The following OR2V2 variants were observed in gnomAD, a reference collection of about 807,000 sequenced individuals.
The protein encoded by OR2V2 is olfactory receptor family 2 subfamily V member 2.
For synonymous variants in OR2V2, 161 were observed against 151.3 expected (o/e 1.06, Z -0.47); for missense variants, 392 against 392.2 (o/e 1.00, Z 0.00).
In OR2V2 at chr5:181,152,505, C is replaced by T. The variant is rs141866771; in HGVS notation, c.-24-2414C>T. Among the ~76,000 whole-genome samples, 1,138 of 152,258 alleles carry T rather than the reference C, an allele frequency of 7.5e-3. 10 individuals carry two copies. Among genetic ancestry groups the T allele is most frequent in the Admixed American group, 0.019 (294 of 15,304 alleles). ...AGATGCAGCTCTCGTTACAGGTGGA[C>T]GCACACTCTCCTGTGGTTAGTAAGT... On this transcript the variant is annotated intron_variant, in intron 1 of 1. Coordinates refer to ENST00000641492, the MANE Select transcript of OR2V2 (RefSeq NM_206880.2).
Position 181,156,010 on chromosome 5 carries a change from C to A in OR2V2, c.*120C>A. On this transcript the variant is annotated 3_prime_UTR_variant, in exon 2 of 2. Coordinates refer to ENST00000641492, the MANE Select transcript of OR2V2 (RefSeq NM_206880.2). ...TTATGATGATTGTGACACCCTCAGA[C>A]TTGGAAGGTCTTTTTAAACACTACA... The A allele has an allele frequency of 1.2e-6, 1 of 825,140 alleles. No individual in the cohort carries two copies. Among genetic ancestry groups the A allele is most frequent in the Non-Finnish European group, 1.8e-6 (1 of 542,158 alleles). 51.1% of individuals were successfully genotyped at this position (825,140 alleles called of 1,614,324 possible). A position where few individuals can be genotyped will look rare whatever the true frequency, so the allele number is the denominator to read the frequency against.
chr5:181,156,020 CT>C lies in OR2V2; in HGVS notation c.*135del. The C allele has an allele frequency of 2.9e-6, 2 of 678,952 alleles. No homozygotes were observed. Among genetic ancestry groups the C allele is most frequent in the Non-Finnish European group, 4.6e-6 (2 of 433,694 alleles). The allele number at this position is 678,952 out of a possible 1,614,324, so 42.1% of individuals were successfully genotyped here. A position where few individuals can be genotyped will look rare whatever the true frequency, so the allele number is the denominator to read the frequency against. On this transcript the variant is annotated 3_prime_UTR_variant, in exon 2 of 2. Coordinates refer to ENST00000641492, the MANE Select transcript of OR2V2 (RefSeq NM_206880.2). The stretch of plus-strand genomic sequence containing the variant: ...TGTGACACCCTCAGACTTGGAAGGT[CT>C]TTTTAAACACTACATCAGTTCTTTC...
Position 181,156,051 on chromosome 5 carries a change from T to A in OR2V2, c.*161T>A, listed in dbSNP as rs1763261902. ...AAACACTACATCAGTTCTTTCTTTCTTTCTTTCTTTCTTTCTTTCTTTTGT... is the reference window on the plus strand; with the variant it reads ...AAACACTACATCAGTTCTTTCTTTCATTCTTTCTTTCTTTCTTTCTTTTGT... On this transcript the variant is annotated 3_prime_UTR_variant, in exon 2 of 2. Transcript: ENST00000641492. 1 of 530,934 alleles carries A rather than the reference T, an allele frequency of 1.9e-6. No homozygotes were observed. Among genetic ancestry groups the A allele is most frequent in the Non-Finnish European group, 3.2e-6 (1 of 311,438 alleles). The allele number at this position is 530,934 out of a possible 1,614,324, so 32.9% of individuals were successfully genotyped here.
chr5:181,155,790 C>A lies in OR2V2; in HGVS notation c.848C>A (p.Thr283Asn). ...KVASIFYTVL[T>N]PMLNPLIYSL... ...GCCTCTATCTTCTACACGGTCCTTA[C>A]TCCCATGCTCAACCCCCTCATTTAC... Residue 283 changes from threonine (T) to asparagine (N), a missense_variant, in exon 2 of 2, where the codon ACT (threonine) becomes AAT (asparagine). By Grantham distance (65) the Thr-to-Asn change is moderately conservative. Coordinates refer to ENST00000641492, the MANE Select transcript of OR2V2 (RefSeq NM_206880.2). 6.2e-7 allele frequency: 1 copy of A among 1,614,124 alleles called. No homozygotes were observed. Among genetic ancestry groups the A allele is most frequent in the Non-Finnish European group, 8.5e-7 (1 of 1,179,944 alleles).
Position 181,155,524 on chromosome 5 carries a change from C to T in OR2V2, c.582C>T (p.Ser194=), listed in dbSNP as rs771825912. The change falls in exon 2 of 2, where the codon TCC becomes TCT. Residue 194 remains serine, a synonymous_variant. Coordinates refer to ENST00000641492, the MANE Select transcript of OR2V2 (RefSeq NM_206880.2). ...SLLKLACVDT[S]LFEKVIFACC... ...TGAAGCTGGCCTGTGTAGACACATC[C>T]CTGTTTGAGAAGGTGATATTTGCTT... The T allele has an allele frequency of 1.2e-6, 2 of 1,614,108 alleles. No homozygotes were observed. The highest frequency in any genetic ancestry group is 3.3e-5 in the Admixed American group (2 of 60,014).
At chr5:181,154,868 G>C (rs1763236804) in intron 1 of OR2V2, 51 bp from the exon 2 acceptor site, 2 of 982,696 alleles carry the variant, frequency 2.0e-6, no homozygotes, top group African/African-American at 3.2e-5. Flanking sequence ...TAGCAGCAGA[G>C]GTCTATAAAG....
intron 1 of OR2V2, among the ~76,000 whole-genome samples, chr5:181,152,251 C>G (rs953682339): frequency 6.6e-6 from 1 of 152,184 alleles, no homozygotes; most frequent in African/African-American, 2.4e-5. Context: ...AAACGCAGAA[C>G]CAAGATTGAC....
intron 1 of OR2V2, among the ~76,000 whole-genome samples, chr5:181,151,161 G>A (rs1763186660): frequency 6.6e-6 from 1 of 152,120 alleles, no homozygotes; most frequent in African/African-American, 2.4e-5. Flanking sequence ...TCCGTGCAGA[G>A]GGAGCAGGAA....
At chr5:181,152,553 T>C (rs1763205963) in intron 1 of OR2V2, among the ~76,000 whole-genome samples, 2 of 152,214 alleles carry the variant, frequency 1.3e-5, no homozygotes, top group South Asian at 2.1e-4. Flanking sequence ...AGTTGGTTAG[T>C]GTAAACACAA....
At position 181,157,566 on chromosome 5, in the gene OR2V2, T is replaced by A. The variant is rs556773068; in HGVS notation, c.*1676T>A. The A allele has an allele frequency of 1.4e-4, 21 of 152,358 alleles. No homozygotes were observed. Among genetic ancestry groups the A allele is most frequent in the African/African-American group, 4.8e-4 (20 of 41,580 alleles). 9.4% of individuals were successfully genotyped at this position (152,358 alleles called of 1,614,324 possible). ...CTCCAAGGACTGGTGAAAATAGAAG[T>A]AACTTTCCTTAGTCACGGGGCTGCA... On this transcript the variant is annotated 3_prime_UTR_variant, in exon 2 of 2. Coordinates refer to ENST00000641492, the MANE Select transcript of OR2V2 (RefSeq NM_206880.2).
At chr5:181,150,974 C>T (rs1763184585) in intron 1 of OR2V2, among the ~76,000 whole-genome samples, 1 of 152,058 alleles carries the variant, frequency 6.6e-6, no homozygotes, top group Non-Finnish European at 1.5e-5. Flanking sequence ...GTCTCGACAA[C>T]AGGAAAAAAG....
chr5:181,148,839 G>C (rs1763158609), intron 1 of OR2V2, among the ~76,000 whole-genome samples: 2 of 152,220 alleles, frequency 1.3e-5, no homozygotes, highest in African/African-American at 4.8e-5. Flanking sequence ...GGAGGTGAGG[G>C]AACAAGGCAG....
chr5:181,156,046 C>CTTTCTTTCTTTCTTTCTT lies in OR2V2; in HGVS notation c.*158_*175dup. 3.8e-6 allele frequency: 2 copies of CTTTCTTTCTTTCTTTCTT among 519,598 alleles called. No homozygotes were observed. The highest frequency in any genetic ancestry group is 6.6e-6 in the Non-Finnish European group (2 of 303,506). The allele number at this position is 519,598 out of a possible 1,614,324, so 32.2% of individuals were successfully genotyped here. A position where few individuals can be genotyped will look rare whatever the true frequency, so the allele number is the denominator to read the frequency against. On this transcript the variant is annotated 3_prime_UTR_variant, in exon 2 of 2. Coordinates refer to ENST00000641492, the MANE Select transcript of OR2V2 (RefSeq NM_206880.2). ...TTTTTAAACACTACATCAGTTCTTT[C>CTTTCTTTCTTTCTTTCTT]TTTCTTTCTTTCTTTCTTTCTTTCT...
intron 1 of OR2V2, among the ~76,000 whole-genome samples, chr5:181,152,566 C>A (rs1763206322): frequency 6.6e-6 from 1 of 152,212 alleles, no homozygotes. Flanking sequence ...AAACACAATT[C>A]CCCAACCCTA....
chr5:181,151,458 A>C (rs1216771997), intron 1 of OR2V2, among the ~76,000 whole-genome samples: 1 of 152,212 alleles, frequency 6.6e-6, no homozygotes, highest in Non-Finnish European at 1.5e-5. Flanking sequence ...CCCCAGCTGC[A>C]GCCCTCAGCA....
chr5:181,153,428 T>C (rs1314786982), intron 1 of OR2V2, among the ~76,000 whole-genome samples: 2 of 152,208 alleles, frequency 1.3e-5, no homozygotes, highest in Admixed American at 6.5e-5. Context: ...GGCTCACACC[T>C]GTAATCCCAG....
At chr5:181,149,637 C>A (rs1451879129) in intron 1 of OR2V2, among the ~76,000 whole-genome samples, 2 of 152,166 alleles carry the variant, frequency 1.3e-5, no homozygotes, top group Non-Finnish European at 2.9e-5. Flanking sequence ...ACAGGTATAC[C>A]ACAATTATCT....
At position 181,155,384 on chromosome 5, in the gene OR2V2, A is replaced by C. The variant is rs1561631128; in HGVS notation, c.442A>C (p.Ser148Arg). 1.2e-6 allele frequency: 2 copies of C among 1,614,096 alleles called. No homozygotes were observed. Among genetic ancestry groups the C allele is most frequent in the East Asian group, 4.5e-5 (2 of 44,880 alleles). The change falls in exon 2 of 2, where the codon AGC (serine) becomes CGC (arginine). Residue 148 changes from serine to arginine, a missense_variant. Coordinates refer to ENST00000641492, the MANE Select transcript of OR2V2 (RefSeq NM_206880.2). Reference protein sequence around the residue: ...NQRVCLQITGSSWAFGIIDGL... With the variant: ...NQRVCLQITGRSWAFGIIDGL... ...GAGGGTCTGTCTCCAGATTACTGGG[A>C]GCTCCTGGGCCTTTGGGATAATCGA...
intron 1 of OR2V2, among the ~76,000 whole-genome samples, chr5:181,152,977 T>C (rs1763210398): frequency 6.6e-6 from 1 of 152,206 alleles, no homozygotes; most frequent in Admixed American, 6.5e-5. Context: ...AGTAGGAAAC[T>C]CATACAAAGT....
Sources: allele counts gnomAD v4.1 joint callset (sites outside exome capture counted in the v4.1 genomes callset), GRCh38; gene constraint gnomAD v4.1.1; transcripts MANE v1.5; gene names NCBI Gene and HGNC (gene_info 2026-07-23, HGNC 2026-07-21).